KIAA0825: variants seen among roughly 807,000 people sequenced by gnomAD.
The protein encoded by KIAA0825 is uncharacterized protein KIAA0825.
In KIAA0825, 119 loss-of-function variants were observed where a neutral mutation model predicts 147.6. That is an observed-to-expected ratio of 0.81 (90% CI 0.69 to 0.94). The LOEUF (loss-of-function observed/expected upper bound fraction) is 0.94, where lower values mean the gene tolerates loss of function less well. Among genes scored for constraint, KIAA0825 ranks in the 40% least tolerant of loss-of-function variants. The pLI is 0.00. For synonymous variants in KIAA0825, 470 were observed against 518.1 expected, an observed-to-expected ratio of 0.91 and a Z score of 1.26; for missense variants, 1,381 against 1,472.7, an observed-to-expected ratio of 0.94 and a Z score of 1.02.
At chr5:94,270,651 A>G (rs1451069568) in intron 20 of KIAA0825, among the ~76,000 whole-genome samples, 1 of 152,196 alleles carries the variant, frequency 6.6e-6, no homozygotes, top group Non-Finnish European at 1.5e-5. Flanking sequence ...TTAGCATAAG[A>G]GAAAGGTAGT....
intron 20 of KIAA0825, among the ~76,000 whole-genome samples, chr5:94,228,280 C>A (rs558544505): frequency 2.7e-4 from 41 of 152,164 alleles, no homozygotes; most frequent in Non-Finnish European, 5.1e-4. Context: ...CATTTTCTCA[C>A]CCTTCCCCAC....
rs145501830 is a variant in KIAA0825 at position 94,447,821 on chromosome 5, G to A, written c.2357+5138C>T. ...GCATAGTAGAAACAAAAAGCCCAGT[G>A]GAAAGAAATATATACAGCTCAAAAT... On this transcript the variant is annotated intron_variant, in intron 13 of 20. Transcript: ENST00000682413. 2.4e-3 allele frequency among the ~76,000 whole-genome samples: 368 copies of A among 152,022 alleles called. 2 individuals are homozygous for A. Among genetic ancestry groups the A allele is most frequent in the African/African-American group, 8.1e-3 (335 of 41,494 alleles).
chr5:94,292,610 C>T (rs139650777), intron 20 of KIAA0825, among the ~76,000 whole-genome samples: 265 of 152,236 alleles, frequency 1.7e-3, no homozygotes, highest in African/African-American at 6.0e-3. Context: ...GTTTTGGTAT[C>T]AGGATGATGC....
At chr5:94,338,544 CAT>C (rs1378044878) in intron 20 of KIAA0825, among the ~76,000 whole-genome samples, 6 of 152,090 alleles carry the variant, frequency 3.9e-5, no homozygotes, top group Non-Finnish European at 8.8e-5. Context: ...ATTATAATAA[CAT>C]ATTTTTACTG....
intron 1 of KIAA0825, chr5:94,594,477 CTT>C (rs1161635100): frequency 1.3e-6 from 1 of 744,652 alleles, no homozygotes; most frequent in African/African-American, 1.7e-5. Flanking sequence ...AAAAAAATCT[CTT>C]CTTTATGGAA....
At chr5:94,570,017 C>T (rs1403674479) in intron 2 of KIAA0825, 1 of 152,658 alleles carries the variant, frequency 6.6e-6, no homozygotes. Flanking sequence ...CGGAACAGAC[C>T]TAGTCCAATG....
At chr5:94,266,274 T>C (rs1776733444) in intron 20 of KIAA0825, among the ~76,000 whole-genome samples, 1 of 152,190 alleles carries the variant, frequency 6.6e-6, no homozygotes. Flanking sequence ...ATGAGATCAG[T>C]GGTGAGATTA....
intron 20 of KIAA0825, among the ~76,000 whole-genome samples, chr5:94,260,649 G>A (rs562595791): frequency 3.9e-5 from 6 of 152,178 alleles, no homozygotes; most frequent in African/African-American, 1.2e-4. Context: ...CAGTTAATTT[G>A]GTCTCTGCTG....
At chr5:94,200,364 A>G (rs1771554902) in intron 20 of KIAA0825, among the ~76,000 whole-genome samples, 1 of 152,144 alleles carries the variant, frequency 6.6e-6, no homozygotes, top group African/African-American at 2.4e-5. Flanking sequence ...CTCCCCTGTC[A>G]GCCCTGTGGT....
chr5:94,162,307 A>AC (rs1767657690), intron 20 of KIAA0825, among the ~76,000 whole-genome samples: 1 of 151,490 alleles, frequency 6.6e-6, no homozygotes, highest in Middle Eastern at 3.4e-3. Flanking sequence ...TTTGGTTATG[A>AC]TTTTTTTTTA....
intron 20 of KIAA0825, among the ~76,000 whole-genome samples, chr5:94,324,529 T>C (rs1257607269): frequency 6.6e-6 from 1 of 151,966 alleles, no homozygotes; most frequent in Non-Finnish European, 1.5e-5. Flanking sequence ...TTACTACCAG[T>C]TTTAAAGATA....
At chr5:94,161,576 T>G (rs929916470) in intron 20 of KIAA0825, among the ~76,000 whole-genome samples, 5 of 152,238 alleles carry the variant, frequency 3.3e-5, no homozygotes, top group African/African-American at 1.2e-4. Context: ...AACCACATAC[T>G]GCTTTGTTAC....
chr5:94,221,397 A>G (rs1439653796), intron 20 of KIAA0825, among the ~76,000 whole-genome samples: 1 of 152,186 alleles, frequency 6.6e-6, no homozygotes, highest in Non-Finnish European at 1.5e-5. Context: ...ATGCCTGTGA[A>G]GATTACTTCT....
At chr5:94,375,192 T>C (rs764447175) in intron 20 of KIAA0825, among the ~76,000 whole-genome samples, 20 of 152,036 alleles carry the variant, frequency 1.3e-4, no homozygotes, top group Non-Finnish European at 2.6e-4. Flanking sequence ...CCACTATGCC[T>C]GGCTAATTTT....
chr5:94,452,816 C>T (rs1758586840), intron 13 of KIAA0825, 143 bp downstream of exon 13: 1 of 486,148 alleles, frequency 2.1e-6, no homozygotes. Flanking sequence ...AGAAATAATA[C>T]TCTTTACTTA....
chr5:94,386,165 C>T (rs1452478141), intron 19 of KIAA0825, 77 bp downstream of exon 19: 23 of 1,356,558 alleles, frequency 1.7e-5, no homozygotes, highest in Non-Finnish European at 4.0e-6. Flanking sequence ...TGAGTAAATA[C>T]TCAAACACAA....
chr5:94,554,716 C>CCATA (rs1776204272), intron 2 of KIAA0825, among the ~76,000 whole-genome samples: 1 of 67,078 alleles, frequency 1.5e-5, no homozygotes, highest in African/African-American at 5.1e-5. Flanking sequence ...GTTCTGTGTA[C>CCATA]TATATATATA....
At position 94,337,705 on chromosome 5, in the gene KIAA0825, C is replaced by G. The variant is rs182787268; in HGVS notation, c.3710+46663G>C. 3.4e-3 allele frequency among the ~76,000 whole-genome samples: 520 copies of G among 152,160 alleles called. 1 individual carries two copies. Among genetic ancestry groups the G allele is most frequent in the African/African-American group, 0.012 (502 of 41,538 alleles). On this transcript the variant is annotated intron_variant, in intron 20 of 20. Coordinates refer to ENST00000682413, the MANE Select transcript of KIAA0825 (RefSeq NM_001145678.3). ...CACCAAAGTGGGAAAGAGAATAGACCATTTCCAGAACTGAAAGAAGGCCAT... is the reference window on the plus strand; with the variant it reads ...CACCAAAGTGGGAAAGAGAATAGACGATTTCCAGAACTGAAAGAAGGCCAT...
At chr5:94,329,330 C>CAT (rs1230181930) in intron 20 of KIAA0825, among the ~76,000 whole-genome samples, 1 of 151,900 alleles carries the variant, frequency 6.6e-6, no homozygotes, top group African/African-American at 2.4e-5. Flanking sequence ...TATCCAAAGA[C>CAT]ATAATTTAAG....
Sources: allele counts gnomAD v4.1 joint callset (sites outside exome capture counted in the v4.1 genomes callset), GRCh38; gene constraint gnomAD v4.1.1; transcripts MANE v1.5; gene names NCBI Gene and HGNC (gene_info 2026-07-23, HGNC 2026-07-21).